CRCP: variants seen among roughly 807,000 people sequenced by gnomAD.
CRCP encodes CGRP receptor component, also known as DNA-directed RNA polymerase III subunit RPC9.
In CRCP, 18 loss-of-function variants were observed where a neutral mutation model predicts 18.5. The observed-to-expected ratio is 0.97, with a 90% confidence interval of 0.67 to 1.44. CRCP has a LOEUF of 1.44. Ranked by LOEUF, CRCP falls within the 40% of genes most tolerant of loss-of-function variation. CRCP has a pLI of 0.00. For synonymous variants in CRCP, 53 were observed against 62.9 expected (o/e 0.84, Z 0.75); for missense variants, 130 against 176.4 (o/e 0.74, Z 1.49).
intron 4 of CRCP, among the ~76,000 whole-genome samples, 171 bp from the exon 5 acceptor site, chr7:66,145,272 C>G (rs1159692025): frequency 2.0e-5 from 3 of 152,234 alleles, no homozygotes; most frequent in African/African-American, 7.2e-5. Context: ...CTGGGAGTCA[C>G]TCACATACAC....
intron 3 of CRCP, among the ~76,000 whole-genome samples, chr7:66,132,198 A>G (rs1003614622): frequency 2.0e-5 from 3 of 152,228 alleles, no homozygotes; most frequent in African/African-American, 2.4e-5. Flanking sequence ...GGTACATACT[A>G]TTAAGCTAAA....
At chr7:66,131,722 G>A (rs370214206) in intron 3 of CRCP, among the ~76,000 whole-genome samples, 20 of 151,338 alleles carry the variant, frequency 1.3e-4, no homozygotes, top group African/African-American at 4.6e-4. Context: ...TCACATCATT[G>A]CAAATCAAAG....
intron 1 of CRCP, among the ~76,000 whole-genome samples, chr7:66,120,293 A>G (rs936505325): frequency 1.3e-5 from 2 of 152,250 alleles, no homozygotes; most frequent in Admixed American, 1.3e-4. Context: ...AGCCGACTGT[A>G]TAAATTCATT....
At chr7:66,144,840 C>T (rs1015212390) in intron 4 of CRCP, among the ~76,000 whole-genome samples, 3 of 152,130 alleles carry the variant, frequency 2.0e-5, no homozygotes, top group African/African-American at 7.2e-5. Context: ...ATTTTCTTCA[C>T]ATTTTCCAGA....
intron 4 of CRCP, among the ~76,000 whole-genome samples, chr7:66,140,209 C>T (rs755215364): frequency 2.6e-5 from 4 of 152,126 alleles, no homozygotes; most frequent in Non-Finnish European, 5.9e-5. Context: ...CTTGTGGGGC[C>T]ACCGCAGCTG....
At chr7:66,134,890 C>T (rs558494045) in intron 4 of CRCP, among the ~76,000 whole-genome samples, 12 of 152,264 alleles carry the variant, frequency 7.9e-5, no homozygotes, top group African/African-American at 2.6e-4. Flanking sequence ...CTCTGAGTTT[C>T]ATTATCCTTA....
chr7:66,128,158 T>A (rs983704813), intron 2 of CRCP, among the ~76,000 whole-genome samples: 12 of 148,882 alleles, frequency 8.1e-5, no homozygotes, highest in Non-Finnish European at 1.3e-4. Context: ...AAAAAAGAAA[T>A]GACTGAATTT....
intron 5 of CRCP, among the ~76,000 whole-genome samples, chr7:66,146,128 T>C (rs1788286049): frequency 6.6e-6 from 1 of 152,184 alleles, no homozygotes; most frequent in African/African-American, 2.4e-5. Flanking sequence ...CCATTCTCCC[T>C]GGCTCCCCAA....
chr7:66,152,247 A>G lies in CRCP; in HGVS notation c.337A>G (p.Ile113Val). 1 of 1,614,054 alleles carries G rather than the reference A, an allele frequency of 6.2e-7. No individual in the cohort carries two copies. Among genetic ancestry groups the G allele is most frequent in the Non-Finnish European group, 8.5e-7 (1 of 1,179,998 alleles). The change falls in exon 6 of 6, where the codon ATT becomes GTT. Residue 113 changes from isoleucine to valine, a missense_variant. Physicochemically the swap from Ile to Val is conservative, Grantham distance 29. Coordinates refer to ENST00000395326, the MANE Select transcript of CRCP (RefSeq NM_014478.5). ...ESEERLTEEQ[I>V]EALLHTVTSI... ...TGAAGAGCGGCTCACGGAGGAGCAG[A>G]TTGAAGCTCTTCTCCACACCGTCAC...
intron 1 of CRCP, among the ~76,000 whole-genome samples, chr7:66,124,297 T>C (rs1311358606): frequency 1.3e-5 from 2 of 151,304 alleles, no homozygotes; most frequent in Admixed American, 6.6e-5. Flanking sequence ...GAGGCGGAGC[T>C]TGCAGCGAGC....
chr7:66,140,516 C>T (rs1788104220), intron 4 of CRCP, among the ~76,000 whole-genome samples: 1 of 152,008 alleles, frequency 6.6e-6, no homozygotes, highest in African/African-American at 2.4e-5. Flanking sequence ...CTGTTTCGGC[C>T]TCCTGAGTAG....
chr7:66,123,577 C>T (rs1017535975), intron 1 of CRCP, among the ~76,000 whole-genome samples: 1 of 151,832 alleles, frequency 6.6e-6, no homozygotes, highest in Non-Finnish European at 1.5e-5. Flanking sequence ...GGAGAAACCC[C>T]GTCTCTACTA....
intron 1 of CRCP, among the ~76,000 whole-genome samples, chr7:66,118,217 T>C (rs747361441): frequency 5.9e-5 from 9 of 152,172 alleles, no homozygotes; most frequent in Non-Finnish European, 8.8e-5. Flanking sequence ...CTCAGGTGAT[T>C]TGCCTGCCTC....
Position 66,154,008 on chromosome 7 carries a change from C to CA in CRCP, c.*1651_*1652insA. 1 of 150,294 alleles carries CA rather than the reference C, an allele frequency of 6.7e-6. No individual in the cohort carries two copies. Among genetic ancestry groups the CA allele is most frequent in the Non-Finnish European group, 1.5e-5 (1 of 67,744 alleles). 9.3% of individuals were successfully genotyped at this position (150,294 alleles called of 1,614,324 possible). ...CCGGGGAGGCAGAGGTTGCAGTGAG[C>CA]CAGATCGTGCATTGCACTCCAGCCT... On this transcript the variant is annotated 3_prime_UTR_variant, in exon 6 of 6. Coordinates refer to ENST00000395326, the MANE Select transcript of CRCP (RefSeq NM_014478.5).
At chr7:66,136,706 A>G (rs1787981393) in intron 4 of CRCP, among the ~76,000 whole-genome samples, 1 of 152,024 alleles carries the variant, frequency 6.6e-6, no homozygotes, top group African/African-American at 2.4e-5. Context: ...TCTGGAACAA[A>G]TCCTGCTGAG....
chr7:66,125,044 T>C (rs1012220587), intron 1 of CRCP, among the ~76,000 whole-genome samples: 4 of 149,434 alleles, frequency 2.7e-5, no homozygotes, highest in Admixed American at 6.7e-5. Context: ...ACAGATGACA[T>C]TGATATTTGA....
Position 66,138,667 on chromosome 7 carries a change from G to A in CRCP, c.239+4293G>A, listed in dbSNP as rs539926772. ...AAATCAGCTGGGCATGGTGGCGGGC[G>A]CCTGTAGTCCCAGCTACTCGGGAGG... On this transcript the variant is annotated intron_variant, in intron 4 of 5. Transcript: ENST00000395326. Among the ~76,000 whole-genome samples the A allele has an allele frequency of 2.1e-3, 319 of 149,582 alleles. 2 individuals are homozygous for A. The highest frequency in any genetic ancestry group is 7.5e-3 in the African/African-American group (307 of 40,780).
At chr7:66,127,271 C>G (rs1471598711) in intron 1 of CRCP, among the ~76,000 whole-genome samples, 1 of 152,226 alleles carries the variant, frequency 6.6e-6, no homozygotes, top group Admixed American at 6.5e-5. Flanking sequence ...TTGGCCACTG[C>G]TTGCCACCCT....
intron 1 of CRCP, among the ~76,000 whole-genome samples, chr7:66,123,901 C>T (rs1007574331): frequency 8.2e-5 from 12 of 145,636 alleles, no homozygotes; most frequent in African/African-American, 1.3e-4. Context: ...AAAAATGAGC[C>T]GGGCGTGGTG....
Sources: allele counts gnomAD v4.1 joint callset (sites outside exome capture counted in the v4.1 genomes callset), GRCh38; gene constraint gnomAD v4.1.1; transcripts MANE v1.5; gene names NCBI Gene and HGNC (gene_info 2026-07-23, HGNC 2026-07-21).